Variants in SRL observed in about 807,000 individuals in gnomAD.
The protein encoded by SRL is sarcalumenin.
SRL carries 23 observed loss-of-function variants against 39.5 expected under a neutral mutation model. The observed-to-expected ratio is 0.58, with a 90% CI of 0.42 to 0.82. The LOEUF (loss-of-function observed/expected upper bound fraction) is 0.82, where lower values mean the gene tolerates loss of function less well. Ranked by LOEUF, SRL falls within the 40% of genes least tolerant of loss-of-function variation. The probability of loss-of-function intolerance (pLI) is 0.00; values close to 1 mark genes in which losing one functional copy is unlikely to be tolerated. For missense variants in SRL, 592 were observed against 607.8 expected, an observed-to-expected ratio of 0.97 and a Z score of 0.27; for synonymous variants, 272 against 237.4, an observed-to-expected ratio of 1.15 and a Z score of -1.34.
At chr16:4,218,514 G>T (rs1385075142) in intron 1 of SRL, among the ~76,000 whole-genome samples, 2 of 152,164 alleles carry the variant, frequency 1.3e-5, no homozygotes, top group African/African-American at 4.8e-5. Context: ...GATGGGGCAG[G>T]AGCAGTTCTG....
intron 1 of SRL, among the ~76,000 whole-genome samples, chr16:4,205,500 G>A (rs1447743492): frequency 3.9e-5 from 6 of 152,184 alleles, no homozygotes; most frequent in Non-Finnish European, 7.4e-5. Flanking sequence ...AGCTAAGTGC[G>A]GCTCAGGAGT....
At chr16:4,200,247 G>A (rs528744303) in intron 3 of SRL, among the ~76,000 whole-genome samples, 1 of 152,224 alleles carries the variant, frequency 6.6e-6, no homozygotes, top group Admixed American at 6.5e-5. Flanking sequence ...GGGATAAGGA[G>A]GCTGAGAGGG....
chr16:4,232,157 C>T (rs900289273), intron 1 of SRL, among the ~76,000 whole-genome samples: 3 of 152,028 alleles, frequency 2.0e-5, no homozygotes, highest in South Asian at 2.1e-4. Flanking sequence ...ACTACCAATT[C>T]GGAAAGGAAA....
chr16:4,208,520 A>G (rs939172624), intron 1 of SRL, among the ~76,000 whole-genome samples: 9 of 152,150 alleles, frequency 5.9e-5, no homozygotes, highest in African/African-American at 2.2e-4. Flanking sequence ...GCTGGGCTCA[A>G]CCTTGGAGAT....
At chr16:4,230,633 C>A (rs1301715184) in intron 1 of SRL, among the ~76,000 whole-genome samples, 2 of 151,848 alleles carry the variant, frequency 1.3e-5, no homozygotes, top group African/African-American at 4.8e-5. Context: ...GTGATCCGCA[C>A]CCCCTTGGCC....
Position 4,192,331 on chromosome 16 carries a change from A to G in SRL, c.1244T>C (p.Leu415Pro), listed in dbSNP as rs2052077712. 1 of 1,614,078 alleles carries G rather than the reference A, an allele frequency of 6.2e-7. No individual in the cohort carries two copies. Among genetic ancestry groups the G allele is most frequent in the Non-Finnish European group, 8.5e-7 (1 of 1,180,056 alleles). The change falls in exon 6 of 6, where the codon CTG (leucine) becomes CCG (proline). Residue 415 changes from leucine (L) to proline (P), a missense_variant. Coordinates refer to ENST00000399609, the MANE Select transcript of SRL (RefSeq NM_001098814.2). The surrounding 1 kb of genome is among the most constrained non-coding windows in gnomAD (Gnocchi z 4.0). ...FGINPISSFKLLSQQCSYMGG... is the reference protein window; with the variant it reads ...FGINPISSFKPLSQQCSYMGG... Reference sequence around the variant, plus strand: ...CATGTAGGAGCACTGCTGGGAGAGCAGTTTGAAACTGGAAATGGGATTGAT... The same window carrying G: ...CATGTAGGAGCACTGCTGGGAGAGCGGTTTGAAACTGGAAATGGGATTGAT...
intron 2 of SRL, among the ~76,000 whole-genome samples, chr16:4,203,690 G>A (rs2052269936): frequency 1.3e-5 from 2 of 148,174 alleles, no homozygotes; most frequent in African/African-American, 2.7e-5. Flanking sequence ...CCCGGCCTGA[G>A]CTGTTTTTTT....
chr16:4,201,411 G>A (rs1453176121), intron 3 of SRL, among the ~76,000 whole-genome samples: 3 of 151,696 alleles, frequency 2.0e-5, no homozygotes, highest in Admixed American at 2.0e-4. Context: ...CCAGTAGCTG[G>A]GATTATAGGC....
rs1047035014 is a variant in SRL at position 4,197,915 on chromosome 16, T to C, written c.260A>G (p.Asp87Gly). Residue 87 changes from aspartate to glycine, a missense_variant and splice_region_variant, in exon 4 of 6, where the codon GAT (aspartate) becomes GGT (glycine). Coordinates refer to ENST00000399609, the MANE Select transcript of SRL (RefSeq NM_001098814.2). ...CATGGGCTTGGAGGTAATCTCTCCA[T>C]CTGTGGGCAACAGGAAGTAGAAATG... ...YNELRQHEIT[D>G]GEITSKPMVL... 6.3e-7 allele frequency: 1 copy of C among 1,599,836 alleles called. No homozygotes were observed. The highest frequency in any genetic ancestry group is 1.3e-5 in the African/African-American group (1 of 74,750).
chr16:4,233,578 A>AT (rs932488930), intron 1 of SRL, among the ~76,000 whole-genome samples: 2 of 148,924 alleles, frequency 1.3e-5, no homozygotes, highest in Non-Finnish European at 3.0e-5. Flanking sequence ...TGTTAGTTAC[A>AT]TTTTTTTTTC....
intron 1 of SRL, among the ~76,000 whole-genome samples, chr16:4,215,333 T>C (rs1185009663): frequency 1.3e-5 from 2 of 152,234 alleles, no homozygotes; most frequent in Admixed American, 6.5e-5. Context: ...TGGGACAGCT[T>C]GTCCCTGGCT....
chr16:4,193,943 T>C (rs192519869), intron 5 of SRL, among the ~76,000 whole-genome samples: 148 of 150,096 alleles, frequency 9.9e-4, no homozygotes, highest in Admixed American at 1.7e-3. Context: ...TTAAATATAC[T>C]ATAATATTAT....
At chr16:4,210,397 G>A (rs544630989) in intron 1 of SRL, among the ~76,000 whole-genome samples, 2 of 151,498 alleles carry the variant, frequency 1.3e-5, no homozygotes, top group East Asian at 3.9e-4. Flanking sequence ...GCCAGGCAAT[G>A]CTTAAGCACT....
At position 4,189,927 on chromosome 16, in the gene SRL, G is replaced by C. The variant is rs185673403; in HGVS notation, c.*2226C>G. The C allele has an allele frequency of 5.0e-6, 1 of 198,270 alleles. No individual in the cohort carries two copies. Among genetic ancestry groups the C allele is most frequent in the African/African-American group, 2.3e-5 (1 of 43,392 alleles). 12.3% of individuals were successfully genotyped at this position (198,270 alleles called of 1,614,324 possible). ...GAAAGTGGGAGGGCCCATCCCCCAA[G>C]AGGGCAGACAGTACAGAGATGAGGC... On this transcript the variant is annotated 3_prime_UTR_variant, in exon 6 of 6. Transcript: ENST00000399609.
intron 1 of SRL, among the ~76,000 whole-genome samples, chr16:4,229,602 G>A (rs1168094977): frequency 1.3e-5 from 2 of 151,910 alleles, no homozygotes; most frequent in African/African-American, 2.4e-5. Context: ...ACATAAAGAG[G>A]GGAACAATAG....
At chr16:4,212,639 C>A (rs1176694845) in intron 1 of SRL, among the ~76,000 whole-genome samples, 1 of 152,222 alleles carries the variant, frequency 6.6e-6, no homozygotes, top group Admixed American at 6.5e-5. Flanking sequence ...GGTGGCCCCC[C>A]CGACTCCGGC....
At chr16:4,234,183 A>G (rs1179008157) in intron 1 of SRL, among the ~76,000 whole-genome samples, 4 of 152,016 alleles carry the variant, frequency 2.6e-5, no homozygotes, top group Non-Finnish European at 5.9e-5. Context: ...TTGTAGAGAC[A>G]AGATCTCACT....
chr16:4,220,363 G>A (rs1254899595), intron 1 of SRL, among the ~76,000 whole-genome samples: 1 of 151,274 alleles, frequency 6.6e-6, no homozygotes, highest in Admixed American at 6.6e-5. Context: ...CACGAGAATT[G>A]CTTGAACCCG....
intron 1 of SRL, among the ~76,000 whole-genome samples, chr16:4,234,593 G>A (rs955705054): frequency 3.9e-5 from 6 of 152,330 alleles, no homozygotes; most frequent in Non-Finnish European, 5.9e-5. Flanking sequence ...TGCCGCCATC[G>A]AGGAAATGAA....
Sources: gnomAD v4.1 joint callset for allele counts (sites outside exome capture counted in the v4.1 genomes callset) on GRCh38, gnomAD v4.1.1 for gene constraint, Gnocchi (gnomAD v3.1) non-coding constraint, MANE v1.5 for transcripts, NCBI Gene and HGNC (gene_info 2026-07-23, HGNC 2026-07-21) for gene names.